The following TUBB8 variants were observed in gnomAD, a reference collection of about 807,000 sequenced individuals.
TUBB8 encodes the protein tubulin beta-8 chain.
A neutral mutation model predicts 33.7 loss-of-function variants in TUBB8; 25 were observed. The observed-to-expected ratio is 0.74, with a 90% CI of 0.54 to 1.04. The LOEUF (loss-of-function observed/expected upper bound fraction) is 1.04. Ranked by LOEUF, TUBB8 falls within the 50% of genes least tolerant of loss-of-function variation. The probability of loss-of-function intolerance (pLI) is 0.00; values close to 1 mark genes in which losing one functional copy is unlikely to be tolerated. For synonymous variants in TUBB8, 245 were observed against 240.1 expected (o/e 1.02, Z -0.19); for missense variants, 279 against 608.0 (o/e 0.46, Z 5.69).
At chr10:69,683 G>A (rs1306939395) in intron 1 of TUBB8, among the ~76,000 whole-genome samples, 4 of 152,112 alleles carry the variant, frequency 2.6e-5, no homozygotes, top group Admixed American at 6.6e-5. Context: ...CCAGCACTTT[G>A]GGGGGATCTG....
chr10:65,389 C>T (rs186900099), intron 1 of TUBB8, among the ~76,000 whole-genome samples: 183 of 152,356 alleles, frequency 1.2e-3, no homozygotes, highest in African/African-American at 4.1e-3. Flanking sequence ...ATCACAAGAA[C>T]AGAAAGGTAC....
chr10:57,386 C>A (rs1834545290), intron 1 of TUBB8, among the ~76,000 whole-genome samples: 1 of 152,246 alleles, frequency 6.6e-6, no homozygotes, highest in Non-Finnish European at 1.5e-5. Flanking sequence ...CTCTACATTT[C>A]TTCTCTGCAT....
chr10:49,681 A>AT (rs1834441076), upstream of TUBB8: 4 of 429,958 alleles, frequency 9.3e-6, no homozygotes, highest in South Asian at 5.0e-5. Context: ...TGTGGTTAGG[A>AT]AAGGCCTTCC....
rs2131811500 is a variant in TUBB8 at position 48,058 on chromosome 10, G to T, written c.334C>A (p.Leu112Met). The change falls in exon 4 of 4, where the codon CTG becomes ATG. Residue 112 changes from leucine to methionine, a missense_variant. By Grantham distance (15) the Leu-to-Met change is conservative. This residue lies in a region of TUBB8 where 96 missense variants were observed against 233.7 expected (regional missense o/e 0.41). Coordinates refer to ENST00000568584, the MANE Select transcript of TUBB8 (RefSeq NM_177987.3). ...ACAACGTCCATCACTGACTCCATCA[G>T]CTCCGCGCCTTCGGTGTAGTGTCCC... ...AKGHYTEGAE[L>M]MESVMDVVRK... 1 of 1,614,010 alleles carries T rather than the reference G, an allele frequency of 6.2e-7. No homozygotes were observed. Among genetic ancestry groups the T allele is most frequent in the Admixed American group, 1.7e-5 (1 of 60,026 alleles).
upstream of TUBB8, among the ~76,000 whole-genome samples, chr10:74,866 ATTTTTTTTTTT>A (rs573408150): frequency 1.7e-5 from 2 of 115,816 alleles, no homozygotes; most frequent in African/African-American, 3.2e-5. Flanking sequence ...GTCTGTGCCA[ATTTTTTTTTTT>A]TTTTTTTTTT....
chr10:76,315 A>T (rs1834813939), upstream of TUBB8, among the ~76,000 whole-genome samples: 1 of 152,092 alleles, frequency 6.6e-6, no homozygotes, highest in South Asian at 2.1e-4. Flanking sequence ...CGCATCGGTA[A>T]CCGGCATCTT....
chr10:52,546 G>A (rs1554739715), upstream of TUBB8, among the ~76,000 whole-genome samples: 1 of 152,256 alleles, frequency 6.6e-6, no homozygotes, highest in African/African-American at 2.4e-5. Context: ...TAACTATAAA[G>A]AGAAAGAGTT....
chr10:56,976 A>G (rs1834539259), intron 1 of TUBB8, among the ~76,000 whole-genome samples: 1 of 152,210 alleles, frequency 6.6e-6, no homozygotes, highest in Non-Finnish European at 1.5e-5. Context: ...CTTCCAAGAT[A>G]AAAATGGGGC....
intron 1 of TUBB8, among the ~76,000 whole-genome samples, chr10:54,946 C>T (rs767416782): frequency 3.5e-4 from 53 of 152,244 alleles, no homozygotes; most frequent in Non-Finnish European, 6.5e-4. Context: ...TTAGTAGAGA[C>T]GGCGTTTCAC....
chr10:52,049 G>T (rs1467043575), upstream of TUBB8, among the ~76,000 whole-genome samples: 1 of 152,208 alleles, frequency 6.6e-6, no homozygotes, highest in African/African-American at 2.4e-5. Context: ...AGAGAAAGTG[G>T]CAAACATCTT....
rs544379931 is a variant in TUBB8, at chr10:55,037, T to G, written c.-845-4804A>C. 3.9e-5 allele frequency among the ~76,000 whole-genome samples: 6 copies of G among 152,334 alleles called. No individual in the cohort carries two copies. In the South Asian group the frequency reaches 1.2e-3, roughly 32 times the overall value. ...TCCCAAAGTGCTGGGATTACAAGCA[T>G]AAGCCACTGCGCCTGGCGAGACTGG... On this transcript the variant is annotated intron_variant, in intron 1 of 3. Transcript: ENST00000564130.
At chr10:53,110 A>G (rs1834489120), upstream of TUBB8, among the ~76,000 whole-genome samples, 1 of 151,924 alleles carries the variant, frequency 6.6e-6, no homozygotes, top group Non-Finnish European at 1.5e-5. Flanking sequence ...TTTGTTTGAA[A>G]CATGAGATTT....
chr10:66,458 G>C (rs1196062458), intron 1 of TUBB8, among the ~76,000 whole-genome samples: 54 of 152,158 alleles, frequency 3.5e-4, no homozygotes, highest in African/African-American at 1.3e-3. Flanking sequence ...AGGCCAGTCC[G>C]GCCAACACAG....
chr10:64,855 A>C (rs1398369928), intron 1 of TUBB8, among the ~76,000 whole-genome samples: 2 of 151,932 alleles, frequency 1.3e-5, no homozygotes, highest in African/African-American at 4.8e-5. Context: ...GCCTGTGTGC[A>C]GGCTGGCGTG....
chr10:69,782 A>G (rs1422249913), intron 1 of TUBB8, among the ~76,000 whole-genome samples: 11 of 152,194 alleles, frequency 7.2e-5, no homozygotes, highest in Non-Finnish European at 1.5e-4. Context: ...CTGTAGTCCC[A>G]GCTACTGGGG....
upstream of TUBB8, among the ~76,000 whole-genome samples, chr10:53,058 T>TA (rs1554739806): frequency 6.6e-6 from 1 of 152,218 alleles, no homozygotes; most frequent in Non-Finnish European, 1.5e-5. Context: ...AAAATGATTA[T>TA]AGTTAATATG....
chr10:66,397 C>A (rs1273504761), intron 1 of TUBB8, among the ~76,000 whole-genome samples: 1 of 152,212 alleles, frequency 6.6e-6, no homozygotes, highest in Non-Finnish European at 1.5e-5. Context: ...ACCTGTAATA[C>A]CAGCACTTTG....
intron 1 of TUBB8, among the ~76,000 whole-genome samples, chr10:64,745 G>A (rs1301130738): frequency 1.3e-5 from 2 of 152,216 alleles, no homozygotes; most frequent in Admixed American, 6.5e-5. Flanking sequence ...TCTGATTTGT[G>A]ACCCAAAGAA....
intron 1 of TUBB8, among the ~76,000 whole-genome samples, chr10:64,975 T>TAAAAAAAAAAAAAAAAAAAAAA (rs61340461): frequency 3.4e-5 from 4 of 118,534 alleles, no homozygotes; most frequent in South Asian, 3.0e-4. Flanking sequence ...CCATCTCCAC[T>TAAAAAAAAAAAAAAAAAAAAAA]AAAAAAAAAA....
Sources: allele counts gnomAD v4.1 joint callset (sites outside exome capture counted in the v4.1 genomes callset), GRCh38; gene constraint gnomAD v4.1.1; regional missense constraint gnomAD v4.1.1; transcripts MANE v1.5; gene names NCBI Gene and HGNC (gene_info 2026-07-23, HGNC 2026-07-21).